The following HCN1 variants were observed in gnomAD, a reference collection of about 807,000 sequenced individuals.
The protein encoded by HCN1 is potassium/sodium hyperpolarization-activated cyclic nucleotide-gated channel 1.
Under a neutral mutation model 78.9 loss-of-function variants are expected in HCN1, and 13 were observed. The ratio of observed to expected loss-of-function variants is 0.16; its 90% CI spans 0.11 to 0.26. HCN1 has a LOEUF of 0.26. Ranked by LOEUF, HCN1 falls within the 10% of genes least tolerant of loss-of-function variation. The pLI, the probability that HCN1 is intolerant of heterozygous loss-of-function variation, is 1.00. For missense variants in HCN1, 810 were observed against 1,154.3 expected, an observed-to-expected ratio of 0.70 and a Z score of 4.32; for synonymous variants, 552 against 455.5, an observed-to-expected ratio of 1.21 and a Z score of -2.70.
intron 4 of HCN1, among the ~76,000 whole-genome samples, chr5:45,375,555 AT>A (rs1747610988): frequency 2.6e-4 from 2 of 7,566 alleles, no homozygotes; most frequent in Non-Finnish European, 3.8e-4. Context: ...TATGATACAT[AT>A]TATATATAAG....
At chr5:45,537,614 C>A (rs1742996347) in intron 2 of HCN1, among the ~76,000 whole-genome samples, 1 of 135,036 alleles carries the variant, frequency 7.4e-6, no homozygotes, top group African/African-American at 2.8e-5. Context: ...TCTCAGCTCA[C>A]TGCAAACTCT....
chr5:45,296,689 T>G (rs1211411945), intron 6 of HCN1, among the ~76,000 whole-genome samples: 1 of 151,886 alleles, frequency 6.6e-6, no homozygotes, highest in African/African-American at 2.4e-5. Context: ...GAAAATATAT[T>G]TTTTAAGATT....
At chr5:45,348,354 C>G (rs988322469) in intron 5 of HCN1, among the ~76,000 whole-genome samples, 3 of 152,150 alleles carry the variant, frequency 2.0e-5, no homozygotes, top group African/African-American at 4.8e-5. Flanking sequence ...CCTAAAAGAG[C>G]TCCTGAAGGA....
intron 4 of HCN1, among the ~76,000 whole-genome samples, chr5:45,375,277 A>G (rs1479950171): frequency 8.2e-6 from 1 of 121,364 alleles, no homozygotes; most frequent in African/African-American, 3.2e-5. Flanking sequence ...AATATATAAT[A>G]TATTATACAT....
chr5:45,367,317 ATGAT>A (rs1747257319), intron 4 of HCN1, among the ~76,000 whole-genome samples: 1 of 151,756 alleles, frequency 6.6e-6, no homozygotes. Context: ...GTGAATATCA[ATGAT>A]TGATTTCAAA....
chr5:45,286,898 T>G (rs1745279690), intron 6 of HCN1, among the ~76,000 whole-genome samples: 1 of 152,062 alleles, frequency 6.6e-6, no homozygotes, highest in African/African-American at 2.4e-5. Flanking sequence ...GACTAAATGT[T>G]TTCTACTTTA....
chr5:45,361,522 G>C (rs537965723), intron 4 of HCN1, among the ~76,000 whole-genome samples: 1 of 152,302 alleles, frequency 6.6e-6, no homozygotes, highest in South Asian at 2.1e-4. Context: ...ACATTGGTTA[G>C]ACTGGTCTTG....
chr5:45,628,994 A>G (rs1269797382), intron 2 of HCN1, among the ~76,000 whole-genome samples: 4 of 151,450 alleles, frequency 2.6e-5, no homozygotes, highest in African/African-American at 7.2e-5. Flanking sequence ...ATAAAAAAAA[A>G]AAAGAAAATA....
chr5:45,344,549 T>A lies in HCN1; in HGVS notation c.1377+8551A>T, dbSNP rs1579826012. Among the ~76,000 whole-genome samples the A allele has an allele frequency of 2.0e-5, 3 of 152,316 alleles. No individual in the cohort carries two copies. The South Asian group carries it at 6.2e-4, about 32-fold the overall frequency. On this transcript the variant is annotated intron_variant, in intron 5 of 7. Coordinates refer to ENST00000303230, the MANE Select transcript of HCN1 (RefSeq NM_021072.4). ...TTACTTCCTAGATACAATGAGGGTA[T>A]AGGCATCAGGTAAATACAGCTATTC... is the stretch of plus-strand genomic sequence containing the variant.
intron 2 of HCN1, among the ~76,000 whole-genome samples, chr5:45,479,373 A>G (rs1741594109): frequency 6.6e-6 from 1 of 152,166 alleles, no homozygotes; most frequent in Non-Finnish European, 1.5e-5. Flanking sequence ...TGGGTTTTGA[A>G]TAGGGAATGA....
chr5:45,306,176 T>G (rs1011757822), intron 5 of HCN1, among the ~76,000 whole-genome samples: 2 of 152,058 alleles, frequency 1.3e-5, no homozygotes, highest in Non-Finnish European at 2.9e-5. Flanking sequence ...TGTAGGAAAT[T>G]GAAAATAAGT....
chr5:45,548,446 C>T (rs1743276867), intron 2 of HCN1, among the ~76,000 whole-genome samples: 1 of 151,786 alleles, frequency 6.6e-6, no homozygotes, highest in Admixed American at 6.6e-5. Context: ...TATCAACAGC[C>T]CTTCATGCTA....
At chr5:45,687,308 G>A (rs1739828138) in intron 1 of HCN1, among the ~76,000 whole-genome samples, 1 of 152,006 alleles carries the variant, frequency 6.6e-6, no homozygotes, top group South Asian at 2.1e-4. Flanking sequence ...CTGCTATCTG[G>A]AAAATTTTAT....
chr5:45,494,120 A>G (rs979706844), intron 2 of HCN1, among the ~76,000 whole-genome samples: 5 of 152,102 alleles, frequency 3.3e-5, no homozygotes, highest in Non-Finnish European at 7.3e-5. Context: ...ATACCCAGTA[A>G]TGGGATGGCT....
At chr5:45,293,066 A>G (rs1745411823) in intron 6 of HCN1, among the ~76,000 whole-genome samples, 1 of 152,068 alleles carries the variant, frequency 6.6e-6, no homozygotes, top group Admixed American at 6.6e-5. Flanking sequence ...ATTTGAATGT[A>G]TGTGTCTTTA....
In HCN1 at chr5:45,678,259, C is replaced by T. The variant is rs143141258; in HGVS notation, c.425+17410G>A. On this transcript the variant is annotated intron_variant, in intron 1 of 7. Coordinates refer to ENST00000303230, the MANE Select transcript of HCN1 (RefSeq NM_021072.4). The stretch of plus-strand genomic sequence containing the variant: ...AGAAGGAACAGTCTCAGAGGTACAA[C>T]GGTACCATAGTTAATGGAGGAATTT... Among the ~76,000 whole-genome samples the T allele has an allele frequency of 5.2e-3, 790 of 152,004 alleles. 9 individuals are homozygous for T. The highest frequency in any genetic ancestry group is 0.017 in the African/African-American group (701 of 41,506).
chr5:45,690,585 T>TC (rs1005423537), intron 1 of HCN1, among the ~76,000 whole-genome samples: 2 of 152,080 alleles, frequency 1.3e-5, no homozygotes, highest in Non-Finnish European at 2.9e-5. Context: ...GATTTTTTTT[T>TC]CCTGTAAAAC....
rs941215846 is a variant in HCN1 at position 45,461,698 on chromosome 5, A to G, written c.1011+148T>C. 1.6e-5 allele frequency: 12 copies of G among 762,768 alleles called. No homozygotes were observed. In the African/African-American group the frequency reaches 2.1e-4, roughly 13 times the overall value. 47.2% of individuals were successfully genotyped at this position (762,768 alleles called of 1,614,324 possible). A position where few individuals can be genotyped will look rare whatever the true frequency, so the allele number is the denominator to read the frequency against. On this transcript the variant is annotated intron_variant, in intron 3 of 7. Transcript: ENST00000303230. ...TTAGTTGTAACCACCCTCCACAAAC[A>G]TAACATCTGATTTTATATTCATAGA...
chr5:45,555,548 A>C (rs1743452248), intron 2 of HCN1, among the ~76,000 whole-genome samples: 1 of 151,926 alleles, frequency 6.6e-6, no homozygotes, highest in East Asian at 1.9e-4. Flanking sequence ...AAATTCTAAA[A>C]TTTATATGAA....
Sources: gnomAD v4.1 joint callset for allele counts (sites outside exome capture counted in the v4.1 genomes callset) on GRCh38, gnomAD v4.1.1 for gene constraint, MANE v1.5 for transcripts, NCBI Gene and HGNC (gene_info 2026-07-23, HGNC 2026-07-21) for gene names.